The following PAK1 variants were observed in gnomAD, a reference collection of about 807,000 sequenced individuals.
PAK1 encodes the protein p21 (RAC1) activated kinase 1, also known as serine/threonine-protein kinase PAK 1.
Under a neutral mutation model 67.4 loss-of-function variants are expected in PAK1, and 29 were observed. That is an observed-to-expected ratio of 0.43 (90% CI 0.32 to 0.59). The LOEUF is 0.59. PAK1 is among the 20% of genes least tolerant of loss of function. The pLI, the probability that PAK1 is intolerant of heterozygous loss-of-function variation, is 0.07. For missense variants in PAK1, 337 were observed against 670.7 expected (o/e 0.50, Z 5.50); for synonymous variants, 223 against 237.4 (o/e 0.94, Z 0.56).
At chr11:77,444,973 CAA>C (rs34653938) in intron 1 of PAK1, among the ~76,000 whole-genome samples, 2 of 143,644 alleles carry the variant, frequency 1.4e-5, no homozygotes, top group East Asian at 2.0e-4. Flanking sequence ...AATTGTGTCT[CAA>C]AAAAAAAAAA....
At chr11:77,339,396 T>C (rs1487354975) in intron 11 of PAK1, among the ~76,000 whole-genome samples, 2 of 152,060 alleles carry the variant, frequency 1.3e-5, no homozygotes, top group Non-Finnish European at 2.9e-5. Flanking sequence ...TCTGTGATAT[T>C]ACAATTTCAT....
At chr11:77,445,051 G>A (rs375468723) in intron 1 of PAK1, among the ~76,000 whole-genome samples, 260 of 152,160 alleles carry the variant, frequency 1.7e-3, no homozygotes, top group Non-Finnish European at 3.1e-3. Flanking sequence ...AGTTACAGAC[G>A]TAATCAAGTT....
the PAK1 span, among the ~76,000 whole-genome samples, chr11:77,480,980 A>C: frequency 6.6e-6 from 1 of 152,188 alleles, no homozygotes; most frequent in Non-Finnish European, 1.5e-5. Context: ...TATTATTTCT[A>C]ATTTAATTTC....
At chr11:77,344,048 C>T (rs1245299526) in intron 9 of PAK1, 117 bp from the exon 10 acceptor site, 1 of 693,810 alleles carries the variant, frequency 1.4e-6, no homozygotes, top group Non-Finnish European at 2.6e-6. Context: ...CAGTCTTAGC[C>T]CTCGAGTAAT....
chr11:77,324,414 C>A (rs1377487591), intron 14 of PAK1, among the ~76,000 whole-genome samples: 2 of 152,096 alleles, frequency 1.3e-5, no homozygotes, highest in African/African-American at 4.8e-5. Context: ...CTCAACTGAT[C>A]CACTGGCCTC....
At chr11:77,438,813 T>C (rs1254399174) in intron 1 of PAK1, among the ~76,000 whole-genome samples, 5 of 152,196 alleles carry the variant, frequency 3.3e-5, no homozygotes, top group Admixed American at 3.3e-4. Context: ...AAAATGGTGA[T>C]TAAAATAGAC....
the PAK1 span, among the ~76,000 whole-genome samples, chr11:77,486,536 G>T: frequency 6.6e-6 from 1 of 152,176 alleles, no homozygotes; most frequent in South Asian, 2.1e-4. Context: ...GCACATAAAA[G>T]GGTAGAAAAA....
chr11:77,512,884 A>G, the PAK1 span, among the ~76,000 whole-genome samples: 2 of 152,096 alleles, frequency 1.3e-5, no homozygotes, highest in Non-Finnish European at 2.9e-5. Context: ...GCTTGAGCCC[A>G]GGAGTTCGAG....
chr11:77,471,526 CAAG>C (rs564771370), intron 1 of PAK1, among the ~76,000 whole-genome samples: 21 of 152,228 alleles, frequency 1.4e-4, no homozygotes, highest in Non-Finnish European at 2.4e-4. Context: ...AGAGGCCCAA[CAAG>C]GTCATCTCCA....
Position 77,328,424 on chromosome 11 carries a change from T to C in PAK1, c.1551+4306A>G, listed in dbSNP as rs1460825113. Among the ~76,000 whole-genome samples the C allele has an allele frequency of 3.3e-5, 5 of 152,244 alleles. No individual in the cohort carries two copies. In the East Asian group the frequency reaches 5.8e-4, roughly 18 times the overall value. On this transcript the variant is annotated intron_variant, in intron 14 of 14. Transcript: ENST00000356341. ...AGCAAATGTAAAAGAACAGAAATTA[T>C]AACAAACTGTCTCTCAGACCACAGT...
At chr11:77,351,152 A>G (rs1216291448) in intron 8 of PAK1, among the ~76,000 whole-genome samples, 1 of 152,220 alleles carries the variant, frequency 6.6e-6, no homozygotes, top group East Asian at 1.9e-4. Context: ...TATTGGTGTG[A>G]CAGTTATATT....
At chr11:77,442,522 G>A (rs1034111415) in intron 1 of PAK1, among the ~76,000 whole-genome samples, 14 of 152,038 alleles carry the variant, frequency 9.2e-5, no homozygotes, top group Non-Finnish European at 1.3e-4. Context: ...AACAATGAAC[G>A]GCATGAGTGA....
At position 77,374,326 on chromosome 11, in the gene PAK1, A is replaced by C; in HGVS notation, c.477+2T>G. The C allele has an allele frequency of 6.3e-7, 1 of 1,576,408 alleles. No individual in the cohort carries two copies. The highest frequency in any genetic ancestry group is 8.7e-7 in the Non-Finnish European group (1 of 1,145,632). On this transcript the variant is annotated splice_donor_variant, in intron 5 of 14. Transcript: ENST00000356341. LOFTEE classifies it high-confidence loss of function. Reference sequence around the variant, plus strand: ...ATCAAAATAGAGTAAATAAAGACTTACCAAGGCATTAGAAGAATTGTAATC... The same window carrying C: ...ATCAAAATAGAGTAAATAAAGACTTCCCAAGGCATTAGAAGAATTGTAATC...
chr11:77,504,954 A>C, the PAK1 span, among the ~76,000 whole-genome samples: 1 of 152,224 alleles, frequency 6.6e-6, no homozygotes, highest in Non-Finnish European at 1.5e-5. Context: ...AAGTATAGAA[A>C]AGTCAGATAC....
intron 1 of PAK1, among the ~76,000 whole-genome samples, chr11:77,412,499 C>T (rs1954673974): frequency 6.6e-6 from 1 of 152,046 alleles, no homozygotes; most frequent in African/African-American, 2.4e-5. Context: ...TGGATCTTGA[C>T]TCACTGCAGC....
intron 5 of PAK1, among the ~76,000 whole-genome samples, chr11:77,363,357 C>T (rs1019855111): frequency 1.4e-4 from 21 of 152,238 alleles, no homozygotes; most frequent in African/African-American, 4.6e-4. Flanking sequence ...ACTATGCTCA[C>T]CCTACAAGAT....
At chr11:77,429,000 A>G (rs1453072840) in intron 1 of PAK1, among the ~76,000 whole-genome samples, 2 of 148,436 alleles carry the variant, frequency 1.3e-5, no homozygotes, top group African/African-American at 2.5e-5. Context: ...CAATGGTCCA[A>G]TAACAATGAG....
the PAK1 span, among the ~76,000 whole-genome samples, chr11:77,507,237 T>C: frequency 2.6e-5 from 4 of 152,226 alleles, no homozygotes; most frequent in South Asian, 6.2e-4. Context: ...GAGAGACTGA[T>C]GAGTGGCCAG....
At chr11:77,506,172 C>A in the PAK1 span, among the ~76,000 whole-genome samples, 1 of 152,188 alleles carries the variant, frequency 6.6e-6, no homozygotes, top group Non-Finnish European at 1.5e-5. Context: ...CATGTTTTAA[C>A]TCATTTAAAC....
Sources: allele counts gnomAD v4.1 joint callset (sites outside exome capture counted in the v4.1 genomes callset), GRCh38; gene constraint gnomAD v4.1.1; transcripts MANE v1.5; gene names NCBI Gene and HGNC (gene_info 2026-07-23, HGNC 2026-07-21).